The following PHF10 variants were observed in gnomAD, a reference collection of about 807,000 sequenced individuals.
The protein encoded by PHF10 is PHD finger protein 10.
Under a neutral mutation model 68.5 loss-of-function variants are expected in PHF10, and 51 were observed. The ratio of observed to expected loss-of-function variants is 0.74; its 90% CI spans 0.59 to 0.94. PHF10 has a LOEUF of 0.94. Among genes scored for constraint, PHF10 ranks in the 40% least tolerant of loss-of-function variants. The pLI is 0.00. For synonymous variants in PHF10, 204 were observed against 203.5 expected, an observed-to-expected ratio of 1.00 and a Z score of -0.02; for missense variants, 460 against 602.6, an observed-to-expected ratio of 0.76 and a Z score of 2.48.
In PHF10 at chr6:169,715,722, C is replaced by T; in HGVS notation, c.679G>A (p.Asp227Asn). Residue 227 changes from aspartate (D) to asparagine (N), a missense_variant, in exon 6 of 12, where the codon GAC becomes AAC. Physicochemically the swap from Asp to Asn is conservative, Grantham distance 23. Transcript: ENST00000339209. ...ERMEERRAYF[D>N]LQTHVIQVPQ... ...AGTTATCCTACATGTGTCTGCAAGT[C>T]AAAATAAGCTCTTCTTTCTTCCATG... is the stretch of plus-strand genomic sequence containing the variant. The T allele has an allele frequency of 1.2e-6, 2 of 1,611,860 alleles. No homozygotes were observed. Among genetic ancestry groups the T allele is most frequent in the Non-Finnish European group, 1.7e-6 (2 of 1,179,884 alleles).
intron 2 of PHF10, among the ~76,000 whole-genome samples, chr6:169,720,439 TATACATAAAATGGAGTATTATTC>T (rs1314528974): frequency 6.6e-6 from 1 of 152,140 alleles, no homozygotes; most frequent in African/African-American, 2.4e-5. Flanking sequence ...AAAATCAGTA[TATACATAAAATGGAGTATTATTC>T]AGCCTTAAAA....
chr6:169,705,247 A>T lies in PHF10; in HGVS notation c.1297T>A (p.Cys433Ser). The T allele has an allele frequency of 6.2e-7, 1 of 1,613,452 alleles. No individual in the cohort carries two copies. Among genetic ancestry groups the T allele is most frequent in the Non-Finnish European group, 8.5e-7 (1 of 1,179,378 alleles). ...IKTYPWQCMECKTCIICGQPH... is the reference protein window; with the variant it reads ...IKTYPWQCMESKTCIICGQPH... ...TGTCCACATATAATGCATGTTTTAC[A>T]TTCCATACACTGCCATGGGTAGGTC... is the stretch of plus-strand genomic sequence containing the variant. Residue 433 changes from cysteine to serine, a missense_variant, in exon 11 of 12, where the codon TGT becomes AGT. Physicochemically the swap from Cys to Ser is moderately radical, Grantham distance 112. This residue lies in a region of PHF10 where 111 missense variants were observed against 109.7 expected (regional missense o/e 1.01). Transcript: ENST00000339209.
At chr6:169,713,003 T>C (rs1788961062) in intron 7 of PHF10, among the ~76,000 whole-genome samples, 1 of 152,240 alleles carries the variant, frequency 6.6e-6, no homozygotes, top group South Asian at 2.1e-4. Flanking sequence ...TGGTACATGA[T>C]ATTACTTAAA....
intron 9 of PHF10, among the ~76,000 whole-genome samples, chr6:169,706,323 CTT>C (rs34033798): frequency 0.17 from 25,342 of 151,976 alleles, 2,598 homozygotes; most frequent in East Asian, 0.3. Context: ...TGATTATTCT[CTT>C]TGCATGTCTA....
chr6:169,712,644 G>A (rs1788951493), intron 7 of PHF10, 105 bp from the exon 8 acceptor site: 1 of 928,426 alleles, frequency 1.1e-6, no homozygotes, highest in Non-Finnish European at 1.6e-6. Context: ...TAACCCCGAA[G>A]ACTTTTGAAA....
chr6:169,715,150 G>A (rs764414612), intron 6 of PHF10, among the ~76,000 whole-genome samples: 29 of 152,102 alleles, frequency 1.9e-4, no homozygotes, highest in Non-Finnish European at 4.1e-4. Context: ...AGTAATCCTA[G>A]TTCCAACCTC....
intron 10 of PHF10, 27 bp from the exon 11 acceptor site, chr6:169,705,348 T>A (rs765912772): frequency 1.3e-6 from 2 of 1,512,346 alleles, no homozygotes; most frequent in African/African-American, 2.8e-5. Flanking sequence ...ATTAGTGGTA[T>A]CTCACATAAG....
chr6:169,721,787 T>C (rs1176682932), intron 1 of PHF10, among the ~76,000 whole-genome samples: 1 of 152,228 alleles, frequency 6.6e-6, no homozygotes, highest in African/African-American at 2.4e-5. Flanking sequence ...TGTTAGGAAA[T>C]TGATTTATTT....
chr6:169,704,989 G>C, intron 11 of PHF10, 144 bp downstream of exon 11: 1 of 528,300 alleles, frequency 1.9e-6, no homozygotes, highest in Middle Eastern at 5.0e-4. Flanking sequence ...TGGTGGACAT[G>C]ACCTGTATAA....
At chr6:169,717,735 G>T in intron 4 of PHF10, 88 bp downstream of exon 4, 1 of 610,610 alleles carries the variant, frequency 1.6e-6, no homozygotes. Context: ...TATTAATTTT[G>T]TAAAATATTT....
At chr6:169,715,208 G>A (rs554329983) in intron 6 of PHF10, among the ~76,000 whole-genome samples, 1 of 152,014 alleles carries the variant, frequency 6.6e-6, no homozygotes, top group Admixed American at 6.6e-5. Context: ...AAAACTCTTG[G>A]GACGCACAGC....
chr6:169,719,154 T>C (rs73242916), intron 2 of PHF10: 6,453 of 323,706 alleles, frequency 0.02, 383 homozygotes, highest in African/African-American at 0.13. Context: ...GGGAAGAACG[T>C]AGAATCACAA....
intron 4 of PHF10, among the ~76,000 whole-genome samples, chr6:169,717,010 T>C (rs1426020521): frequency 6.6e-6 from 1 of 152,156 alleles, no homozygotes; most frequent in South Asian, 2.1e-4. Context: ...TCCCAGCACT[T>C]TGGGAGACCA....
intron 9 of PHF10, chr6:169,708,429 T>C (rs1368055744): frequency 6.6e-6 from 1 of 152,132 alleles, no homozygotes; most frequent in Non-Finnish European, 1.5e-5. Context: ...ATATAAACTA[T>C]GACCTTTAGC....
At chr6:169,710,911 CAACT>C (rs1235467308) in intron 8 of PHF10, among the ~76,000 whole-genome samples, 1 of 151,824 alleles carries the variant, frequency 6.6e-6, no homozygotes, top group African/African-American at 2.4e-5. Context: ...GCCAATCCCT[CAACT>C]ATCTACAACA....
chr6:169,713,184 C>A (rs1788965126), intron 7 of PHF10, among the ~76,000 whole-genome samples: 1 of 152,120 alleles, frequency 6.6e-6, no homozygotes, highest in African/African-American at 2.4e-5. Context: ...CCTCAGTAGC[C>A]CCCATTCAGG....
chr6:169,722,679 A>C (rs1369799808), intron 1 of PHF10, among the ~76,000 whole-genome samples: 1 of 152,160 alleles, frequency 6.6e-6, no homozygotes, highest in Non-Finnish European at 1.5e-5. Flanking sequence ...TACATGACGG[A>C]ATAAGGTAAG....
chr6:169,716,837 G>C (rs1789059272), intron 4 of PHF10, among the ~76,000 whole-genome samples: 1 of 152,014 alleles, frequency 6.6e-6, no homozygotes, highest in African/African-American at 2.4e-5. Flanking sequence ...TCCTCCCTCA[G>C]CCTCCCAAGT....
intron 8 of PHF10, 64 bp from the exon 9 acceptor site, chr6:169,710,455 G>T: frequency 9.3e-7 from 1 of 1,070,628 alleles, no homozygotes. Context: ...TCTGGATTTT[G>T]AAAACTATGG....
Sources: gnomAD v4.1 joint callset for allele counts (sites outside exome capture counted in the v4.1 genomes callset) on GRCh38, gnomAD v4.1.1 for gene constraint, gnomAD v4.1.1 regional missense constraint, MANE v1.5 for transcripts, NCBI Gene and HGNC (gene_info 2026-07-23, HGNC 2026-07-21) for gene names.